Variants in PTBP1 observed in about 807,000 individuals in gnomAD.
The protein encoded by PTBP1 is polypyrimidine tract binding protein 1.
A neutral mutation model predicts 59.8 loss-of-function variants in PTBP1; 8 were observed. That is an observed-to-expected ratio of 0.13 (90% confidence interval 0.08 to 0.24). The LOEUF (loss-of-function observed/expected upper bound fraction) is 0.24. Ranked by LOEUF, PTBP1 falls within the 10% of genes least tolerant of loss-of-function variation. The pLI is 1.00. For synonymous variants in PTBP1, 490 were observed against 320.7 expected (o/e 1.53, Z -5.64); for missense variants, 686 against 767.0 (o/e 0.89, Z 1.25).
Position 806,560 on chromosome 19 carries a change from CGTGGGCT to C in PTBP1, c.1119+5_1119+11del, listed in dbSNP as rs751278678. 9.2e-5 allele frequency: 138 copies of C among 1,497,650 alleles called. 1 individual carries two copies. The highest frequency in any genetic ancestry group is 3.9e-4 in the Admixed American group (17 of 43,100). 92.8% of individuals were successfully genotyped at this position (1,497,650 alleles called of 1,614,324 possible). On this transcript the variant is annotated splice_donor_5th_base_variant and intron_variant, in intron 10 of 14. Transcript: ENST00000356948. ...GGTCAGCAACCTCAACCCAGAGGTA[CGTGGGCT>C]TTTCCTCCGCGCCGCCGTTCCTCCC...
At chr19:806,749 A>C in intron 10 of PTBP1, 193 bp downstream of exon 10, 2 of 506,776 alleles carry the variant, frequency 3.9e-6, no homozygotes, top group Non-Finnish European at 3.3e-6. Context: ...CTGAATTCAC[A>C]TCTTGGTTCG....
chr19:799,516 C>T, intron 2 of PTBP1, 73 bp downstream of exon 2: 1 of 1,499,096 alleles, frequency 6.7e-7, no homozygotes, highest in Non-Finnish European at 9.3e-7. Context: ...CACCCCCCAG[C>T]GCTGTTGCGT....
chr19:806,582 C>G (rs750152809), intron 10 of PTBP1, 26 bp downstream of exon 10: 8 of 1,472,980 alleles, frequency 5.4e-6, no homozygotes, highest in Non-Finnish European at 7.2e-6. Context: ...CTCCGCGCCG[C>G]CGTTCCTCCC....
intron 10 of PTBP1, chr19:807,340 C>CG (rs1251430530): frequency 6.5e-6 from 1 of 155,018 alleles, no homozygotes; most frequent in East Asian, 1.9e-4. Context: ...GAGCTGCACG[C>CG]GCGCTCCTGG....
chr19:803,459 C>G (rs2034426418), intron 2 of PTBP1, 102 bp from the exon 3 acceptor site: 1 of 971,414 alleles, frequency 1.0e-6, no homozygotes. Flanking sequence ...GGTTGGGGGT[C>G]TGGGACCCCA....
chr19:805,322 CG>C, intron 8 of PTBP1, 135 bp downstream of exon 8: 1 of 1,227,186 alleles, frequency 8.1e-7, no homozygotes. Flanking sequence ...CAGCACAGCA[CG>C]GTCCAGTGTC....
chr19:800,904 C>T (rs1326669041), intron 2 of PTBP1, among the ~76,000 whole-genome samples: 2 of 152,060 alleles, frequency 1.3e-5, no homozygotes, highest in Non-Finnish European at 2.9e-5. Flanking sequence ...GAAGCCCAGC[C>T]AGGACTTGAA....
chr19:798,203 T>C (rs2034166616), intron 1 of PTBP1, among the ~76,000 whole-genome samples: 1 of 151,716 alleles, frequency 6.6e-6, no homozygotes, highest in South Asian at 2.1e-4. Flanking sequence ...CGGAGGGGCC[T>C]CTCCAGGGAC....
Position 806,449 on chromosome 19 carries a change from GCCAT to G in PTBP1, c.1015_1018del (p.Ile339ProfsTer54). ...CGTCCACGGCGCCCTGGCCCCCCTG[GCCAT>G]CCCCTCGGCGGCGGCGGCAGCTGCG... On this transcript the variant is annotated frameshift_variant, in exon 10 of 15. Coordinates refer to ENST00000356948, the MANE Select transcript of PTBP1 (RefSeq NM_002819.5). LOFTEE classifies it high-confidence loss of function. The G allele has an allele frequency of 6.2e-7, 1 of 1,601,146 alleles. No individual in the cohort carries two copies. Among genetic ancestry groups the G allele is most frequent in the Non-Finnish European group, 8.5e-7 (1 of 1,174,138 alleles).
chr19:799,212 C>G lies in PTBP1; in HGVS notation c.9-201C>G, dbSNP rs8111557. On this transcript the variant is annotated intron_variant, in intron 1 of 14. Transcript: ENST00000356948. Reference sequence around the variant, plus strand: ...GGGCGCCAAAGGACAATGGTGGCCCCTTTTCAAGTTGCAGTCAAGTGGACG... The same window carrying G: ...GGGCGCCAAAGGACAATGGTGGCCCGTTTTCAAGTTGCAGTCAAGTGGACG... 2,442 of 669,226 alleles carry G rather than the reference C, an allele frequency of 3.6e-3. 36 individuals carry two copies. The African/African-American group carries it at 0.037, about 10-fold the overall frequency. The allele number at this position is 669,226 out of a possible 1,614,324, so 41.5% of individuals were successfully genotyped here. A position where few individuals can be genotyped will look rare whatever the true frequency, so the allele number is the denominator to read the frequency against.
intron 13 of PTBP1, 131 bp from the exon 14 acceptor site, chr19:810,412 T>C: frequency 3.0e-6 from 2 of 677,044 alleles, no homozygotes; most frequent in South Asian, 1.8e-5. Context: ...TGATACCCCA[T>C]TTCTGGGCTC....
chr19:810,487 G>A, intron 13 of PTBP1, 56 bp from the exon 14 acceptor site: 1 of 1,518,126 alleles, frequency 6.6e-7, no homozygotes, highest in South Asian at 1.1e-5. Context: ...TCGCGGACCT[G>A]ACTGGGCGCC....
At chr19:801,731 ACCCATCCTCCCTTCCT>A (rs2034343700) in intron 2 of PTBP1, among the ~76,000 whole-genome samples, 3 of 152,150 alleles carry the variant, frequency 2.0e-5, no homozygotes, top group South Asian at 2.1e-4. Context: ...TCTCAGGTGC[ACCCATCCTCCCTTCCT>A]CCCGTCCTCC....
chr19:803,864 G>GC, intron 3 of PTBP1, among the ~76,000 whole-genome samples, 172 bp from the exon 4 acceptor site: 1 of 152,328 alleles, frequency 6.6e-6, no homozygotes, highest in East Asian at 1.9e-4. Flanking sequence ...GCTGTCGGGA[G>GC]CAGGGGTCCT....
chr19:810,959 GT>G lies in PTBP1; in HGVS notation c.*138del, dbSNP rs2034835565. On this transcript the variant is annotated 3_prime_UTR_variant, in exon 15 of 15. Transcript: ENST00000356948. The stretch of plus-strand genomic sequence containing the variant: ...TTTTTAAAGAGAAATCAGTTTACCT[GT>G]TTTTAAAAAAATTAAATCTAGTTCA... 2 of 1,007,216 alleles carry G rather than the reference GT, an allele frequency of 2.0e-6. No homozygotes were observed. The highest frequency in any genetic ancestry group is 2.8e-6 in the Non-Finnish European group (2 of 726,994). 62.4% of individuals were successfully genotyped at this position (1,007,216 alleles called of 1,614,324 possible).
rs920764865 is a variant in PTBP1, at chr19:811,570, G to C, written c.*744G>C. ...ATAGCAAGATGATACAATGGTATGA[G>C]TGTAATCTAAACTTCCTTGTGGTAT... is the stretch of plus-strand genomic sequence containing the variant. On this transcript the variant is annotated 3_prime_UTR_variant, in exon 15 of 15. Transcript: ENST00000356948. 6.6e-6 allele frequency: 1 copy of C among 152,444 alleles called. No homozygotes were observed. The highest frequency in any genetic ancestry group is 1.5e-5 in the Non-Finnish European group (1 of 68,042). 9.4% of individuals were successfully genotyped at this position (152,444 alleles called of 1,614,324 possible). A position where few individuals can be genotyped will look rare whatever the true frequency, so the allele number is the denominator to read the frequency against.
intron 2 of PTBP1, among the ~76,000 whole-genome samples, chr19:799,745 T>G (rs1294426296): frequency 6.6e-6 from 1 of 152,160 alleles, no homozygotes; most frequent in African/African-American, 2.4e-5. Context: ...AACTTCTGCC[T>G]CTAGAGGCTG....
chr19:802,966 C>G (rs139682786), intron 2 of PTBP1, among the ~76,000 whole-genome samples: 2 of 152,350 alleles, frequency 1.3e-5, no homozygotes, highest in Non-Finnish European at 2.9e-5. Context: ...GGCGGGAGGC[C>G]GTGTCTCTAG....
intron 10 of PTBP1, chr19:807,503 C>T (rs1034409901): frequency 2.2e-5 from 6 of 278,028 alleles, no homozygotes; most frequent in Admixed American, 1.0e-4. Context: ...CTACCTGATT[C>T]TTATGTATTT....
Sources: allele counts gnomAD v4.1 joint callset (sites outside exome capture counted in the v4.1 genomes callset), GRCh38; gene constraint gnomAD v4.1.1; transcripts MANE v1.5; gene names NCBI Gene and HGNC (gene_info 2026-07-23, HGNC 2026-07-21).